TMEM170A: variants seen among roughly 807,000 people sequenced by gnomAD.
TMEM170A encodes the protein transmembrane protein 170.
A neutral mutation model predicts 12.8 loss-of-function variants in TMEM170A; 18 were observed. That is an observed-to-expected ratio of 1.41 (90% CI 0.97 to 2.09). The LOEUF (loss-of-function observed/expected upper bound fraction) is 2.09, where lower values mean the gene tolerates loss of function less well. Ranked by LOEUF, TMEM170A falls within the 30% of genes most tolerant of loss-of-function variation. The pLI is 0.00. For missense variants in TMEM170A, 220 were observed against 179.9 expected, an observed-to-expected ratio of 1.22 and a Z score of -1.28; for synonymous variants, 107 against 76.2, an observed-to-expected ratio of 1.40 and a Z score of -2.11.
At chr16:75,452,359 C>T (rs1468169848) in intron 1 of TMEM170A, among the ~76,000 whole-genome samples, 1 of 152,204 alleles carries the variant, frequency 6.6e-6, no homozygotes, top group African/African-American at 2.4e-5. Context: ...GCCTTGACCT[C>T]CTAGGTCTGG....
At chr16:75,456,369 T>C (rs1051673804) in intron 1 of TMEM170A, among the ~76,000 whole-genome samples, 1 of 151,980 alleles carries the variant, frequency 6.6e-6, no homozygotes, top group Non-Finnish European at 1.5e-5. Context: ...GGGTGGATCA[T>C]CTGAGGTTAG....
At chr16:75,450,317 A>T (rs1294427747) in intron 2 of TMEM170A, among the ~76,000 whole-genome samples, 1 of 152,124 alleles carries the variant, frequency 6.6e-6, no homozygotes, top group African/African-American at 2.4e-5. Flanking sequence ...AAATGTATTT[A>T]TGTTTACATC....
chr16:75,456,429 A>G (rs1746821666), intron 1 of TMEM170A, among the ~76,000 whole-genome samples: 1 of 152,182 alleles, frequency 6.6e-6, no homozygotes, highest in Non-Finnish European at 1.5e-5. Context: ...CGACCAAAAA[A>G]TATAAAAATT....
chr16:75,462,693 C>T (rs2079928650), intron 1 of TMEM170A, among the ~76,000 whole-genome samples: 1 of 152,076 alleles, frequency 6.6e-6, no homozygotes, highest in Non-Finnish European at 1.5e-5. Flanking sequence ...AAAATTCAAA[C>T]AAGGAAGTAA....
At chr16:75,461,087 T>A (rs1215182373) in intron 1 of TMEM170A, among the ~76,000 whole-genome samples, 2 of 152,218 alleles carry the variant, frequency 1.3e-5, no homozygotes, top group African/African-American at 4.8e-5. Flanking sequence ...ACAGTCTCGC[T>A]CTGTGGCCCA....
intron 2 of TMEM170A, 24 bp downstream of exon 2, chr16:75,451,645 C>A (rs780568320): frequency 2.5e-5 from 40 of 1,613,102 alleles, no homozygotes; most frequent in Non-Finnish European, 3.4e-5. Flanking sequence ...ACATTTTTGA[C>A]TGGTATTTTA....
At chr16:75,457,284 A>C (rs911282126) in intron 1 of TMEM170A, among the ~76,000 whole-genome samples, 1 of 152,232 alleles carries the variant, frequency 6.6e-6, no homozygotes, top group Non-Finnish European at 1.5e-5. Context: ...AATATCCCAG[A>C]AACACACGAA....
At chr16:75,461,350 G>A (rs1188512480) in intron 1 of TMEM170A, among the ~76,000 whole-genome samples, 1 of 152,126 alleles carries the variant, frequency 6.6e-6, no homozygotes, top group East Asian at 1.9e-4. Context: ...CACGGCAACC[G>A]GCCAATTTAG....
chr16:75,460,338 A>T (rs977564610), intron 1 of TMEM170A, among the ~76,000 whole-genome samples: 11 of 152,126 alleles, frequency 7.2e-5, no homozygotes, highest in Non-Finnish European at 1.5e-4. Context: ...AAAAAGTCAG[A>T]ATCATCCCAT....
chr16:75,462,538 T>C (rs1185367343), intron 1 of TMEM170A, among the ~76,000 whole-genome samples: 2 of 152,256 alleles, frequency 1.3e-5, no homozygotes, highest in Non-Finnish European at 2.9e-5. Context: ...TGTGATGTAC[T>C]GGTGAGTGGA....
rs562927255 is a variant in TMEM170A at position 75,464,671 on chromosome 16, C to G, written c.-71G>C. 3 of 1,517,594 alleles carry G rather than the reference C, an allele frequency of 2.0e-6. No homozygotes were observed. The East Asian group carries it at 8.3e-5, about 42-fold the overall frequency. The allele number at this position is 1,517,594 out of a possible 1,614,324, so 94.0% of individuals were successfully genotyped here. Reference sequence around the variant, plus strand: ...TGCGGTAGCGGCCGGCGCCGACTCACCCTCGCCGCCTCAGCGTCACCTCCA... The same window carrying G: ...TGCGGTAGCGGCCGGCGCCGACTCAGCCTCGCCGCCTCAGCGTCACCTCCA... On this transcript the variant is annotated 5_prime_UTR_variant, in exon 1 of 3. Coordinates refer to ENST00000561878, the MANE Select transcript of TMEM170A (RefSeq NM_145254.3).
Position 75,464,667 on chromosome 16 carries a change from C to T in TMEM170A, c.-67G>A. The T allele has an allele frequency of 6.6e-7, 1 of 1,524,802 alleles. No individual in the cohort carries two copies. The highest frequency in any genetic ancestry group is 8.7e-7 in the Non-Finnish European group (1 of 1,144,262). The allele number at this position is 1,524,802 out of a possible 1,614,324, so 94.5% of individuals were successfully genotyped here. On this transcript the variant is annotated 5_prime_UTR_variant, in exon 1 of 3. Coordinates refer to ENST00000561878, the MANE Select transcript of TMEM170A (RefSeq NM_145254.3). The stretch of plus-strand genomic sequence containing the variant: ...GAAGTGCGGTAGCGGCCGGCGCCGA[C>T]TCACCCTCGCCGCCTCAGCGTCACC...
At chr16:75,461,570 T>C (rs2079909383) in intron 1 of TMEM170A, among the ~76,000 whole-genome samples, 3 of 152,246 alleles carry the variant, frequency 2.0e-5, no homozygotes, top group Admixed American at 6.5e-5. Context: ...GGACAATGAA[T>C]GCAACTCCTG....
intron 1 of TMEM170A, among the ~76,000 whole-genome samples, chr16:75,460,641 C>A (rs1344418053): frequency 6.6e-6 from 1 of 152,196 alleles, no homozygotes; most frequent in Non-Finnish European, 1.5e-5. Context: ...ACAGGCCCTG[C>A]CCCTTCCCAG....
Position 75,461,343 on chromosome 16 carries a change from G to A in TMEM170A, c.133+3125C>T, listed in dbSNP as rs569302711. ...TGCTGGGATTACAGGCGTGAGCCAC[G>A]GCAACCGGCCAATTTAGTCATTTAG... On this transcript the variant is annotated intron_variant, in intron 1 of 2. Transcript: ENST00000561878. Among the ~76,000 whole-genome samples, 25 of 152,222 alleles carry A rather than the reference G, an allele frequency of 1.6e-4. No individual in the cohort carries two copies. The South Asian group carries it at 2.1e-3, about 13-fold the overall frequency.
chr16:75,462,573 G>A (rs8052996), intron 1 of TMEM170A, among the ~76,000 whole-genome samples: 1 of 152,184 alleles, frequency 6.6e-6, no homozygotes, highest in African/African-American at 2.4e-5. Context: ...GTAGCGTTCT[G>A]ACCAAAAATG....
At position 75,443,459 on chromosome 16, in the gene TMEM170A, A is replaced by G. The variant is rs1295621672; in HGVS notation, c.*4099T>C. ...ATGCAAGTACACGACATTTCTGCATATGGTCTGCTAATGGCACCGATGCTT... is the reference window on the plus strand; with the variant it reads ...ATGCAAGTACACGACATTTCTGCATGTGGTCTGCTAATGGCACCGATGCTT... On this transcript the variant is annotated 3_prime_UTR_variant, in exon 3 of 3. Transcript: ENST00000561878. 6.6e-6 allele frequency: 1 copy of G among 152,182 alleles called. No homozygotes were observed. The highest frequency in any genetic ancestry group is 1.9e-4 in the East Asian group (1 of 5,196). 9.4% of individuals were successfully genotyped at this position (152,182 alleles called of 1,614,324 possible). A position where few individuals can be genotyped will look rare whatever the true frequency, so the allele number is the denominator to read the frequency against.
intron 1 of TMEM170A, among the ~76,000 whole-genome samples, chr16:75,462,432 C>A (rs191232662): frequency 6.6e-6 from 1 of 152,358 alleles, no homozygotes; most frequent in Admixed American, 6.5e-5. Context: ...TGGTCTTGAA[C>A]TCCTGACTTC....
intron 1 of TMEM170A, among the ~76,000 whole-genome samples, chr16:75,456,683 T>A (rs1016359574): frequency 1.3e-5 from 2 of 152,222 alleles, no homozygotes; most frequent in Admixed American, 6.5e-5. Flanking sequence ...CCTCCCTGGC[T>A]GGCAGCAACT....
Sources: gnomAD v4.1 joint callset for allele counts (sites outside exome capture counted in the v4.1 genomes callset) on GRCh38, gnomAD v4.1.1 for gene constraint, MANE v1.5 for transcripts, NCBI Gene and HGNC (gene_info 2026-07-23, HGNC 2026-07-21) for gene names.